Variants in RAD54B observed in about 807,000 individuals in gnomAD.
The protein encoded by RAD54B is RAD54 homolog B.
RAD54B carries 78 observed loss-of-function variants against 95.8 expected under a neutral mutation model. The ratio of observed to expected loss-of-function variants is 0.81; its 90% CI spans 0.68 to 0.98. The LOEUF (loss-of-function observed/expected upper bound fraction) is 0.98, where lower values mean the gene tolerates loss of function less well. Among genes scored for constraint, RAD54B ranks in the 50% least tolerant of loss-of-function variants. The pLI, the probability that RAD54B is intolerant of heterozygous loss-of-function variation, is 0.00. For synonymous variants in RAD54B, 328 were observed against 354.9 expected (o/e 0.92, Z 0.85); for missense variants, 957 against 1,056.6 (o/e 0.91, Z 1.31).
intron 5 of RAD54B, among the ~76,000 whole-genome samples, chr8:94,404,975 G>A (rs752664281): frequency 1.3e-4 from 19 of 151,790 alleles, no homozygotes; most frequent in Non-Finnish European, 1.9e-4. Context: ...CACCACACCC[G>A]GCTAATTTTT....
chr8:94,422,587 C>CAAAA lies in RAD54B; in HGVS notation c.305-11276_305-11273dup, dbSNP rs60701725. ...TGGACGATAGAGCGAGACTTCGTCT[C>CAAAA]AAAAAAAAAAAAAAAAAAAAAAAAA... is the stretch of plus-strand genomic sequence containing the variant. On this transcript the variant is annotated intron_variant, in intron 3 of 14. Coordinates refer to ENST00000336148, the MANE Select transcript of RAD54B (RefSeq NM_012415.3). 9.1e-4 allele frequency among the ~76,000 whole-genome samples: 13 copies of CAAAA among 14,296 alleles called. 5 individuals carry two copies. The highest frequency in any genetic ancestry group is 1.8e-3 in the Non-Finnish European group (11 of 6,218). 9.4% of individuals were successfully genotyped at this position (14,296 alleles called of 152,430 possible).
chr8:94,432,084 AT>A (rs1812112555), intron 3 of RAD54B: 1 of 1,492,930 alleles, frequency 6.7e-7, no homozygotes, highest in Admixed American at 2.5e-5. Flanking sequence ...AATTAAAGTA[AT>A]TTGGCCAAAA....
intron 3 of RAD54B, chr8:94,432,519 T>C (rs1443299469): frequency 6.4e-7 from 1 of 1,550,572 alleles, no homozygotes; most frequent in African/African-American, 1.4e-5. Context: ...ATCACTCTGT[T>C]GAGAATTTAA....
intron 3 of RAD54B, among the ~76,000 whole-genome samples, chr8:94,455,589 C>T (rs1320310787): frequency 1.3e-5 from 2 of 152,122 alleles, no homozygotes; most frequent in Admixed American, 6.5e-5. Context: ...CTGGGGCTTC[C>T]TGTATTTATT....
At chr8:94,394,513 C>T (rs1811098060) in intron 8 of RAD54B, among the ~76,000 whole-genome samples, 2 of 152,062 alleles carry the variant, frequency 1.3e-5, no homozygotes, top group Admixed American at 1.3e-4. Flanking sequence ...GCCTGACACT[C>T]AGTAGACACT....
intron 1 of RAD54B, among the ~76,000 whole-genome samples, chr8:94,473,838 C>T (rs753284428): frequency 1.3e-5 from 2 of 152,166 alleles, no homozygotes; most frequent in Non-Finnish European, 2.9e-5. Flanking sequence ...CCTTAAATTG[C>T]TCCTTTGAGA....
chr8:94,439,699 GGGCGGTGTTCCA>G (rs1382151536), intron 3 of RAD54B, among the ~76,000 whole-genome samples: 3 of 152,108 alleles, frequency 2.0e-5, no homozygotes, highest in Admixed American at 2.0e-4. Flanking sequence ...GTGGCGGCGG[GGGCGGTGTTCCA>G]GGCTATAAAC....
At chr8:94,406,293 T>G (rs1366962008) in intron 5 of RAD54B, among the ~76,000 whole-genome samples, 1 of 152,092 alleles carries the variant, frequency 6.6e-6, no homozygotes, top group Non-Finnish European at 1.5e-5. Flanking sequence ...CTTACTCAGA[T>G]CTCTGAATAA....
intron 9 of RAD54B, among the ~76,000 whole-genome samples, 158 bp from the exon 10 acceptor site, chr8:94,392,057 G>C (rs1448726922): frequency 2.0e-5 from 3 of 152,110 alleles, no homozygotes; most frequent in Non-Finnish European, 2.9e-5. Flanking sequence ...AACCAACCAT[G>C]ATCTATTTAT....
intron 14 of RAD54B, among the ~76,000 whole-genome samples, chr8:94,377,545 GAAAAAAAAAAAAAAAAAAA>G (rs71273330): frequency 0.42 from 30,007 of 70,736 alleles, 5,125 homozygotes; most frequent in East Asian, 0.64. Context: ...CCCTGTCTTG[GAAAAAAAAAAAAAAAAAAA>G]AAAAAAAAAA....
intron 5 of RAD54B, among the ~76,000 whole-genome samples, chr8:94,406,121 TCAA>T (rs1690424920): frequency 1.3e-5 from 2 of 151,524 alleles, no homozygotes; most frequent in Non-Finnish European, 2.9e-5. Context: ...ATTCACTCAC[TCAA>T]CAAGTATTTC....
At chr8:94,391,183 A>G (rs1811007986) in intron 10 of RAD54B, among the ~76,000 whole-genome samples, 1 of 151,930 alleles carries the variant, frequency 6.6e-6, no homozygotes, top group Admixed American at 6.6e-5. Context: ...GATTTTCTGA[A>G]TTTTCTAAAT....
rs1810706015 is a variant in RAD54B, at chr8:94,380,344, T to C, written c.2048A>G (p.His683Arg). ...ATCAAGTCTTGTATAAGCATATCCA[T>C]GACGCTTACATACTTCTTGTAAAAT... ...LNILQEVCKRHGYAYTRLDGQ... is the reference protein window; with the variant it reads ...LNILQEVCKRRGYAYTRLDGQ... The change falls in exon 12 of 15, where the codon CAT (histidine) becomes CGT (arginine). Residue 683 changes from histidine (H) to arginine (R), a missense_variant. His to Arg is a conservative substitution (Grantham distance 29, BLOSUM62 0). Coordinates refer to ENST00000336148, the MANE Select transcript of RAD54B (RefSeq NM_012415.3). The C allele has an allele frequency of 1.2e-6, 2 of 1,613,848 alleles. No homozygotes were observed. Among genetic ancestry groups the C allele is most frequent in the Non-Finnish European group, 1.7e-6 (2 of 1,179,754 alleles).
intron 8 of RAD54B, among the ~76,000 whole-genome samples, chr8:94,398,484 CCTT>C (rs1382753735): frequency 6.6e-6 from 1 of 152,032 alleles, no homozygotes; most frequent in Admixed American, 6.6e-5. Flanking sequence ...TGGTCATACT[CCTT>C]CTCTCTCTTC....
chr8:94,380,943 G>C (rs988958823), intron 11 of RAD54B, among the ~76,000 whole-genome samples: 12 of 152,100 alleles, frequency 7.9e-5, no homozygotes, highest in African/African-American at 2.7e-4. Context: ...CCCAAATAAA[G>C]TATTTATTAT....
At chr8:94,466,145 G>A (rs1300805750) in intron 2 of RAD54B, among the ~76,000 whole-genome samples, 1 of 152,044 alleles carries the variant, frequency 6.6e-6, no homozygotes, top group African/African-American at 2.4e-5. Flanking sequence ...ACTTAAAAAT[G>A]GTAATGTGGC....
chr8:94,462,691 CAG>C (rs746134254), intron 2 of RAD54B, among the ~76,000 whole-genome samples: 39 of 152,100 alleles, frequency 2.6e-4, no homozygotes, highest in Non-Finnish European at 4.7e-4. Flanking sequence ...AAAAAGACGG[CAG>C]AGTTGACTGC....
chr8:94,387,213 A>T, intron 10 of RAD54B, 54 bp from the exon 11 acceptor site: 2 of 1,418,074 alleles, frequency 1.4e-6, no homozygotes, highest in Non-Finnish European at 1.9e-6. Flanking sequence ...TTTAATTAGG[A>T]GGGGAAAATG....
chr8:94,428,922 G>A (rs1199455020), intron 3 of RAD54B: 12 of 984,588 alleles, frequency 1.2e-5, no homozygotes, highest in African/African-American at 1.7e-5. Context: ...AAACAGCCTC[G>A]GAAAAGGATT....
Sources: allele counts gnomAD v4.1 joint callset (sites outside exome capture counted in the v4.1 genomes callset), GRCh38; gene constraint gnomAD v4.1.1; transcripts MANE v1.5; gene names NCBI Gene and HGNC (gene_info 2026-07-23, HGNC 2026-07-21).